Variants in FILIP1 observed in about 807,000 individuals in gnomAD.
FILIP1 encodes filamin A interacting protein 1, also known as filamin-A-interacting protein 1.
A neutral mutation model predicts 102.1 loss-of-function variants in FILIP1; 61 were observed. The ratio of observed to expected loss-of-function variants is 0.60; its 90% CI spans 0.49 to 0.74. The LOEUF (loss-of-function observed/expected upper bound fraction) is 0.74, where lower values mean the gene tolerates loss of function less well. Among genes scored for constraint, FILIP1 ranks in the 30% least tolerant of loss-of-function variants. The probability of loss-of-function intolerance (pLI) is 0.00; values close to 1 mark genes in which losing one functional copy is unlikely to be tolerated. For synonymous variants in FILIP1, 491 were observed against 526.9 expected, an observed-to-expected ratio of 0.93 and a Z score of 0.93; for missense variants, 1,314 against 1,441.2, an observed-to-expected ratio of 0.91 and a Z score of 1.43.
intron 1 of FILIP1, among the ~76,000 whole-genome samples, chr6:75,452,700 G>C (rs1778675724): frequency 6.6e-6 from 1 of 152,166 alleles, no homozygotes; most frequent in Non-Finnish European, 1.5e-5. Context: ...TACTAATCTT[G>C]TGACTATAGT....
At chr6:75,298,306 GATA>G (rs1488352053) in intron 6 of FILIP1, among the ~76,000 whole-genome samples, 7 of 152,112 alleles carry the variant, frequency 4.6e-5, no homozygotes, top group Non-Finnish European at 8.8e-5. Flanking sequence ...AGAAATACTT[GATA>G]ATGCTAAATA....
chr6:75,420,362 A>G (rs1038195125), intron 1 of FILIP1, among the ~76,000 whole-genome samples: 4 of 152,112 alleles, frequency 2.6e-5, no homozygotes, highest in African/African-American at 7.2e-5. Context: ...TTTTAAAATT[A>G]GCATGGAGTC....
intron 2 of FILIP1, among the ~76,000 whole-genome samples, chr6:75,375,098 G>A (rs905951258): frequency 1.3e-5 from 2 of 152,104 alleles, no homozygotes; most frequent in Admixed American, 6.5e-5. Flanking sequence ...GGGGAGGGGT[G>A]AGTCTGAGTG....
At chr6:75,405,441 C>CA (rs374240897) in intron 2 of FILIP1, among the ~76,000 whole-genome samples, 1 of 150,762 alleles carries the variant, frequency 6.6e-6, no homozygotes, top group East Asian at 1.9e-4. Context: ...TAATTATTAC[C>CA]AAAAAAGAAA....
chr6:75,414,994 A>G lies in FILIP1; in HGVS notation c.-6-16T>C. On this transcript the variant is annotated splice_polypyrimidine_tract_variant and intron_variant, in intron 1 of 5. Transcript: ENST00000237172. Reference sequence around the variant, plus strand: ...TCATTCCCACCTACAACACATACATAAAAAAAGATAAGATGTTCTTTACCA... The same window carrying G: ...TCATTCCCACCTACAACACATACATGAAAAAAGATAAGATGTTCTTTACCA... 1 of 1,593,314 alleles carries G rather than the reference A, an allele frequency of 6.3e-7. No individual in the cohort carries two copies. Among genetic ancestry groups the G allele is most frequent in the Non-Finnish European group, 8.5e-7 (1 of 1,170,760 alleles).
intron 1 of FILIP1, among the ~76,000 whole-genome samples, chr6:75,452,016 G>C (rs568353666): frequency 2.0e-5 from 3 of 151,492 alleles, no homozygotes; most frequent in South Asian, 4.2e-4. Flanking sequence ...TATTTGGATC[G>C]AATAATTCCA....
chr6:75,397,853 T>C (rs1776520704), intron 2 of FILIP1: 1 of 152,172 alleles, frequency 6.6e-6, no homozygotes. Context: ...GCAAATGTAC[T>C]TTCATTATTT....
At chr6:75,329,988 G>T (rs1774018370) in intron 4 of FILIP1, among the ~76,000 whole-genome samples, 1 of 152,052 alleles carries the variant, frequency 6.6e-6, no homozygotes, top group African/African-American at 2.4e-5. Context: ...TATTATTATA[G>T]TTATCCAGAA....
At chr6:75,332,486 C>A (rs1274082054) in intron 4 of FILIP1, among the ~76,000 whole-genome samples, 1 of 152,152 alleles carries the variant, frequency 6.6e-6, no homozygotes, top group African/African-American at 2.4e-5. Flanking sequence ...TCCAGGTGGC[C>A]CCTTCACCTT....
intron 2 of FILIP1, among the ~76,000 whole-genome samples, chr6:75,372,746 GAA>G (rs1775607494): frequency 1.8e-5 from 1 of 56,494 alleles, no homozygotes; most frequent in Non-Finnish European, 3.4e-5. Flanking sequence ...AAGAAAGAAA[GAA>G]AGAAAGAAAG....
chr6:75,371,477 C>T (rs1164198808), intron 2 of FILIP1, among the ~76,000 whole-genome samples: 2 of 152,042 alleles, frequency 1.3e-5, no homozygotes, highest in Non-Finnish European at 2.9e-5. Context: ...GAAAAAAATC[C>T]ATAAATTCAT....
intron 2 of FILIP1, among the ~76,000 whole-genome samples, chr6:75,395,196 C>T (rs544976154): frequency 4.5e-4 from 69 of 152,228 alleles, no homozygotes; most frequent in African/African-American, 1.6e-3. Context: ...GTATATGCTT[C>T]CATATATTAT....
At chr6:75,335,818 T>C (rs544712594) in intron 4 of FILIP1, among the ~76,000 whole-genome samples, 29 of 152,264 alleles carry the variant, frequency 1.9e-4, no homozygotes, top group African/African-American at 6.7e-4. Context: ...TAGAAAAGAA[T>C]ATGAAAAAAA....
At chr6:75,370,567 T>A (rs1305918689) in intron 2 of FILIP1, among the ~76,000 whole-genome samples, 1 of 146,344 alleles carries the variant, frequency 6.8e-6, no homozygotes, top group Non-Finnish European at 1.5e-5. Flanking sequence ...TGGGAGTCTC[T>A]TCTTTTTTTT....
intron 1 of FILIP1, among the ~76,000 whole-genome samples, chr6:75,451,172 A>G (rs1778619901): frequency 6.6e-6 from 1 of 151,336 alleles, no homozygotes; most frequent in South Asian, 2.1e-4. Flanking sequence ...TGATCTGTAT[A>G]AACAGTATAA....
At chr6:75,418,113 A>G (rs1308782781) in intron 1 of FILIP1, among the ~76,000 whole-genome samples, 1 of 152,150 alleles carries the variant, frequency 6.6e-6, no homozygotes, top group Non-Finnish European at 1.5e-5. Flanking sequence ...CAGGAGAATC[A>G]CTTGAACCTG....
intron 3 of FILIP1, among the ~76,000 whole-genome samples, chr6:75,355,484 G>A (rs1171887241): frequency 6.8e-6 from 1 of 148,074 alleles, no homozygotes. Flanking sequence ...TCACTGCAAC[G>A]TCCACCTCCT....
intron 1 of FILIP1, among the ~76,000 whole-genome samples, chr6:75,471,066 G>GGAA (rs1779310519): frequency 1.3e-5 from 2 of 149,836 alleles, no homozygotes. Flanking sequence ...AAGCTAAGGT[G>GGAA]GAAGGATCTC....
intron 1 of FILIP1, among the ~76,000 whole-genome samples, chr6:75,423,639 C>A (rs1411589455): frequency 6.6e-6 from 1 of 152,096 alleles, no homozygotes; most frequent in Non-Finnish European, 1.5e-5. Flanking sequence ...GAGAAAGGGC[C>A]CAGTTATTCA....
Sources: gnomAD v4.1 joint callset for allele counts (sites outside exome capture counted in the v4.1 genomes callset) on GRCh38, gnomAD v4.1.1 for gene constraint, MANE v1.5 for transcripts, NCBI Gene and HGNC (gene_info 2026-07-23, HGNC 2026-07-21) for gene names.